Variants in YAE1 observed in about 807,000 individuals in gnomAD.
YAE1 encodes protein YAE1 homolog.
Under a neutral mutation model 23.0 loss-of-function variants are expected in YAE1, and 22 were observed. The observed-to-expected ratio is 0.96, with a 90% confidence interval of 0.68 to 1.37. YAE1 has a LOEUF of 1.37. YAE1 is among the 40% of genes most tolerant of loss of function. YAE1 has a pLI of 0.00. For missense variants in YAE1, 260 were observed against 262.1 expected (o/e 0.99, Z 0.06); for synonymous variants, 101 against 97.0 (o/e 1.04, Z -0.24).
exon 3 of YAE1, chr7:39,609,803 C>T (rs1413596073): frequency 5.2e-6 from 8 of 1,531,766 alleles, no homozygotes; most frequent in Non-Finnish European, 7.0e-6. Flanking sequence ...GCGCCACTCC[C>T]CGCTTCCCCG....
At chr7:39,590,368 G>T (rs1790885095) in intron 2 of YAE1, among the ~76,000 whole-genome samples, 2 of 151,984 alleles carry the variant, frequency 1.3e-5, no homozygotes, top group Non-Finnish European at 2.9e-5. Flanking sequence ...AATTGCTAAG[G>T]GTTTTATATG....
chr7:39,602,086 G>A (rs945462861), intron 2 of YAE1, among the ~76,000 whole-genome samples: 1 of 152,198 alleles, frequency 6.6e-6, no homozygotes, highest in Admixed American at 6.5e-5. Flanking sequence ...AATTTTTGTG[G>A]AGTAATAATT....
intron 2 of YAE1, among the ~76,000 whole-genome samples, chr7:39,579,667 CAA>C (rs70996816): frequency 0.076 from 10,620 of 140,364 alleles, 401 homozygotes; most frequent in East Asian, 0.12. Flanking sequence ...GACTCTGTCT[CAA>C]AAAAAAAAAA....
At chr7:39,586,265 C>CG (rs1223339633) in intron 2 of YAE1, among the ~76,000 whole-genome samples, 3 of 151,194 alleles carry the variant, frequency 2.0e-5, no homozygotes, top group African/African-American at 7.3e-5. Flanking sequence ...CTCCACCTCC[C>CG]GGGTTCACGC....
chr7:39,600,534 A>G (rs1791040556), intron 2 of YAE1, among the ~76,000 whole-genome samples: 1 of 152,042 alleles, frequency 6.6e-6, no homozygotes, highest in South Asian at 2.1e-4. Flanking sequence ...AGTAGCTGGG[A>G]TTACAGGCAT....
chr7:39,610,730 A>G (rs1412241440), downstream of YAE1, among the ~76,000 whole-genome samples: 3 of 152,322 alleles, frequency 2.0e-5, no homozygotes, highest in East Asian at 3.9e-4. Flanking sequence ...ATGGTTAAAA[A>G]CTATGGTCTA....
intron 2 of YAE1, among the ~76,000 whole-genome samples, chr7:39,578,298 A>AAC (rs1790687455): frequency 1.3e-5 from 2 of 152,214 alleles, no homozygotes; most frequent in Admixed American, 1.3e-4. Context: ...AGCTGTCTGT[A>AAC]AAACAGACCG....
chr7:39,595,226 G>A (rs1054081295), intron 2 of YAE1, among the ~76,000 whole-genome samples: 7 of 151,842 alleles, frequency 4.6e-5, no homozygotes, highest in Non-Finnish European at 1.0e-4. Flanking sequence ...TATAGACTAG[G>A]GATTTTTTTT....
downstream of YAE1, among the ~76,000 whole-genome samples, chr7:39,574,545 C>T (rs796199934): frequency 4.6e-5 from 7 of 152,058 alleles, no homozygotes; most frequent in African/African-American, 1.7e-4. Context: ...CCAGCCTGGG[C>T]AACATGGTGA....
chr7:39,572,285 T>C lies in YAE1; in HGVS notation c.260T>C (p.Leu87Pro). The C allele has an allele frequency of 6.2e-7, 1 of 1,609,286 alleles. No individual in the cohort carries two copies. The highest frequency in any genetic ancestry group is 8.5e-7 in the Non-Finnish European group (1 of 1,177,164). The change falls in exon 3 of 3, where the codon CTC becomes CCC. Residue 87 changes from leucine to proline, a missense_variant. Coordinates refer to ENST00000223273, the MANE Select transcript of YAE1 (RefSeq NM_020192.5). ...TTTATACTTTTGTTCAGTGCTTTGCTCTCCTGGTGTCACCTTCATAATAAT... is the reference window on the plus strand; with the variant it reads ...TTTATACTTTTGTTCAGTGCTTTGCCCTCCTGGTGTCACCTTCATAATAAT... ...GRLRGTLSAL[L>P]SWCHLHNNNS...
chr7:39,604,441 G>A (rs974300089), intron 2 of YAE1, among the ~76,000 whole-genome samples: 2 of 152,170 alleles, frequency 1.3e-5, no homozygotes, highest in South Asian at 2.1e-4. Context: ...GGGATAAGTC[G>A]ATACCTAACA....
chr7:39,569,445 TC>T (rs1171350532), intron 1 of YAE1: 2 of 490,334 alleles, frequency 4.1e-6, no homozygotes, highest in East Asian at 1.1e-4. Context: ...CTTTGTTCCT[TC>T]TTTACTTTTG....
At chr7:39,567,696 A>G (rs757609756) in intron 1 of YAE1, among the ~76,000 whole-genome samples, 5 of 152,188 alleles carry the variant, frequency 3.3e-5, no homozygotes, top group Non-Finnish European at 7.3e-5. Context: ...CACAGGTTAC[A>G]CATCCAAACT....
intron 2 of YAE1, among the ~76,000 whole-genome samples, chr7:39,597,547 A>G (rs1240585516): frequency 6.6e-6 from 1 of 152,210 alleles, no homozygotes; most frequent in African/African-American, 2.4e-5. Flanking sequence ...TAGCAGTGCC[A>G]TTCCTAAGTT....
chr7:39,580,307 T>C (rs1460559975), intron 2 of YAE1, among the ~76,000 whole-genome samples: 2 of 152,198 alleles, frequency 1.3e-5, no homozygotes, highest in Non-Finnish European at 2.9e-5. Flanking sequence ...CCTATTCAAC[T>C]GAAAGGAAGG....
chr7:39,605,344 G>A (rs962733174), intron 2 of YAE1, among the ~76,000 whole-genome samples: 1 of 152,174 alleles, frequency 6.6e-6, no homozygotes, highest in African/African-American at 2.4e-5. Flanking sequence ...TGTCTGTGAG[G>A]TTGGTGCTGG....
At chr7:39,591,284 C>G (rs1036301978) in intron 2 of YAE1, among the ~76,000 whole-genome samples, 5 of 152,122 alleles carry the variant, frequency 3.3e-5, no homozygotes, top group Admixed American at 3.3e-4. Flanking sequence ...TGCAAAACAC[C>G]TATCAAATAA....
chr7:39,583,020 G>A (rs1366217084), intron 2 of YAE1, among the ~76,000 whole-genome samples: 1 of 152,198 alleles, frequency 6.6e-6, no homozygotes, highest in Non-Finnish European at 1.5e-5. Context: ...TTATAAAGGT[G>A]ATTTTAAAAA....
intron 1 of YAE1, chr7:39,569,359 T>C (rs1360035115): frequency 2.7e-6 from 1 of 365,994 alleles, no homozygotes; most frequent in Non-Finnish European, 5.5e-6. Flanking sequence ...AATCATGATA[T>C]TAAGATAACT....
Sources: allele counts gnomAD v4.1 joint callset (sites outside exome capture counted in the v4.1 genomes callset), GRCh38; gene constraint gnomAD v4.1.1; transcripts MANE v1.5; gene names NCBI Gene and HGNC (gene_info 2026-07-23, HGNC 2026-07-21).